Variants in EYA2 observed in about 807,000 individuals in gnomAD.
EYA2 encodes the protein EYA transcriptional coactivator and phosphatase 2, also known as protein phosphatase EYA2.
Under a neutral mutation model 69.2 loss-of-function variants are expected in EYA2, and 31 were observed. That is an observed-to-expected ratio of 0.45 (90% CI 0.34 to 0.60). The LOEUF is 0.60. Among genes scored for constraint, EYA2 ranks in the 20% least tolerant of loss-of-function variants. EYA2 has a pLI of 0.02. For synonymous variants in EYA2, 257 were observed against 279.4 expected (o/e 0.92, Z 0.80); for missense variants, 622 against 701.2 (o/e 0.89, Z 1.28).
At chr20:46,958,612 G>A (rs369371278) in intron 1 of EYA2, among the ~76,000 whole-genome samples, 4 of 152,236 alleles carry the variant, frequency 2.6e-5, no homozygotes, top group East Asian at 1.9e-4. Context: ...GCAAACTTGC[G>A]TCATGGAGGT....
intron 5 of EYA2, among the ~76,000 whole-genome samples, chr20:47,036,003 C>A (rs183616562): frequency 6.6e-6 from 1 of 152,006 alleles, no homozygotes; most frequent in South Asian, 2.1e-4. Flanking sequence ...AGAGTAAGAC[C>A]CTATTTCAAA....
chr20:46,927,331 C>T lies in EYA2; in HGVS notation c.-11+32344C>T, dbSNP rs77700099. Among the ~76,000 whole-genome samples, 24 of 152,302 alleles carry T rather than the reference C, an allele frequency of 1.6e-4. No homozygotes were observed. The East Asian group carries it at 3.3e-3, about 21-fold the overall frequency. On this transcript the variant is annotated intron_variant, in intron 1 of 15. Transcript: ENST00000327619. ...ACATATGAGCCCCGCCGGGATCTCC[C>T]GCTGCAGCAGCGAGGAAGTAGTGTG...
chr20:47,126,780 T>A (rs1475418445), intron 9 of EYA2, among the ~76,000 whole-genome samples: 2 of 152,084 alleles, frequency 1.3e-5, no homozygotes, highest in Admixed American at 6.5e-5. Context: ...TTTGGTGACG[T>A]CTGGAGACAT....
chr20:47,020,869 ATC>A (rs1431518683), intron 5 of EYA2, among the ~76,000 whole-genome samples: 7 of 152,218 alleles, frequency 4.6e-5, no homozygotes, highest in African/African-American at 1.7e-4. Flanking sequence ...TCTTTTTATT[ATC>A]TCTGTTATTC....
intron 1 of EYA2, among the ~76,000 whole-genome samples, chr20:46,899,389 T>C (rs1308553480): frequency 6.6e-6 from 1 of 152,092 alleles, no homozygotes; most frequent in South Asian, 2.1e-4. Context: ...AATACAAACC[T>C]CTGTGAGCCA....
At chr20:47,031,119 G>C (rs1180224909) in intron 5 of EYA2, among the ~76,000 whole-genome samples, 6 of 152,210 alleles carry the variant, frequency 3.9e-5, no homozygotes, top group African/African-American at 1.4e-4. Flanking sequence ...CAACTGTGAT[G>C]AGTGCTCCAA....
intron 5 of EYA2, among the ~76,000 whole-genome samples, chr20:47,046,441 C>A (rs1230560863): frequency 6.6e-6 from 1 of 152,172 alleles, no homozygotes; most frequent in Non-Finnish European, 1.5e-5. Context: ...CATGTAGATA[C>A]ACCGAAGGAT....
chr20:47,001,334 T>G (rs1241503448), intron 2 of EYA2, 94 bp from the exon 3 acceptor site: 1 of 1,082,914 alleles, frequency 9.2e-7, no homozygotes, highest in Admixed American at 1.7e-5. Context: ...CCCCTCCAAG[T>G]CTGCTCCTGC....
intron 5 of EYA2, among the ~76,000 whole-genome samples, chr20:47,035,561 T>C (rs1295046785): frequency 6.6e-6 from 1 of 151,866 alleles, no homozygotes; most frequent in African/African-American, 2.4e-5. Flanking sequence ...ACCTCTGTTC[T>C]CCTCTCTCTA....
At chr20:47,156,492 C>T (rs952852432) in intron 10 of EYA2, among the ~76,000 whole-genome samples, 1 of 151,750 alleles carries the variant, frequency 6.6e-6, no homozygotes, top group African/African-American at 2.4e-5. Context: ...TAGGAAAGAC[C>T]ATGCCGGAGA....
chr20:46,962,494 G>T (rs1328306405), intron 1 of EYA2, among the ~76,000 whole-genome samples: 3 of 151,974 alleles, frequency 2.0e-5, no homozygotes, highest in African/African-American at 7.3e-5. Context: ...TAAAGATTGG[G>T]CCATTCCACA....
intron 9 of EYA2, among the ~76,000 whole-genome samples, chr20:47,124,006 G>C (rs563264092): frequency 6.6e-6 from 1 of 151,798 alleles, no homozygotes; most frequent in African/African-American, 2.4e-5. Flanking sequence ...GTGGGGGAGT[G>C]GGGGGCCTAA....
chr20:46,912,687 A>AT (rs11473019), intron 1 of EYA2, among the ~76,000 whole-genome samples: 65,646 of 145,620 alleles, frequency 0.45, 15,452 homozygotes, highest in South Asian at 0.54. Context: ...GGAATTTTTA[A>AT]TTTTTTTTTT....
intron 9 of EYA2, among the ~76,000 whole-genome samples, chr20:47,122,656 G>A (rs1442523961): frequency 6.6e-6 from 1 of 152,060 alleles, no homozygotes; most frequent in Admixed American, 6.6e-5. Context: ...ATATCTGAGA[G>A]CAAGGAGACA....
intron 5 of EYA2, among the ~76,000 whole-genome samples, chr20:47,058,050 G>T (rs532575417): frequency 2.8e-4 from 42 of 152,360 alleles, no homozygotes; most frequent in African/African-American, 9.9e-4. Flanking sequence ...TTATCCAGCT[G>T]CTAATGCCAA....
chr20:47,117,481 G>C, intron 9 of EYA2: 1 of 985,244 alleles, frequency 1.0e-6, no homozygotes, highest in East Asian at 1.1e-4. Flanking sequence ...TGCCCTCTCC[G>C]TTCCACCACA....
At chr20:46,915,513 GTC>G (rs1984863006) in intron 1 of EYA2, among the ~76,000 whole-genome samples, 2 of 152,254 alleles carry the variant, frequency 1.3e-5, no homozygotes, top group East Asian at 3.9e-4. Context: ...TGGGAAGTTG[GTC>G]TCAGAGCCTT....
intron 10 of EYA2, chr20:47,161,239 G>A (rs896631624): frequency 1.1e-4 from 55 of 523,274 alleles, no homozygotes; most frequent in Middle Eastern, 5.1e-4. Flanking sequence ...TGCACATGGG[G>A]ACAATGGAGA....
chr20:47,013,678 G>A (rs913656353), intron 4 of EYA2, among the ~76,000 whole-genome samples: 11 of 152,148 alleles, frequency 7.2e-5, no homozygotes, highest in Non-Finnish European at 1.6e-4. Context: ...AGGGAGCGAA[G>A]GAGCCCAGGA....
Sources: allele counts gnomAD v4.1 joint callset (sites outside exome capture counted in the v4.1 genomes callset), GRCh38; gene constraint gnomAD v4.1.1; transcripts MANE v1.5; gene names NCBI Gene and HGNC (gene_info 2026-07-23, HGNC 2026-07-21).